The following STARD3 variants were observed in gnomAD, a reference collection of about 807,000 sequenced individuals.
STARD3 encodes the protein StAR related lipid transfer domain containing 3.
In STARD3, 39 loss-of-function variants were observed where a neutral mutation model predicts 62.0. That is an observed-to-expected ratio of 0.63 (90% confidence interval 0.49 to 0.82). The LOEUF is 0.82. STARD3 is among the 40% of genes least tolerant of loss of function. The pLI is 0.00. For missense variants in STARD3, 543 were observed against 584.5 expected, an observed-to-expected ratio of 0.93 and a Z score of 0.73; for synonymous variants, 229 against 242.4, an observed-to-expected ratio of 0.94 and a Z score of 0.51.
At chr17:39,640,874 T>G (rs1327087616) in intron 1 of STARD3, among the ~76,000 whole-genome samples, 1 of 151,752 alleles carries the variant, frequency 6.6e-6, no homozygotes, top group Non-Finnish European at 1.5e-5. Context: ...ACTCTTCCCC[T>G]TCCGCTTCCT....
rs750604843 is a variant in STARD3, at chr17:39,660,168, C to G, written c.796-43C>G. The G allele has an allele frequency of 3.7e-6, 6 of 1,609,288 alleles. No individual in the cohort carries two copies. The Admixed American group carries it at 6.7e-5, about 18-fold the overall frequency. On this transcript the variant is annotated intron_variant, in intron 9 of 14. Transcript: ENST00000336308. The surrounding 1 kb of genome is among the most constrained non-coding windows in gnomAD (Gnocchi z 4.8). The stretch of plus-strand genomic sequence containing the variant: ...CATTTCTGTGCCACCAGCCCACCCC[C>G]TGCCTCCACTCTCCTCCCTGCCACC...
chr17:39,659,983 C>T, intron 9 of STARD3: 1 of 587,090 alleles, frequency 1.7e-6, no homozygotes, highest in South Asian at 2.1e-5. Flanking sequence ...GTGGTTGCAG[C>T]TGCAGCTGTC....
intron 2 of STARD3, among the ~76,000 whole-genome samples, chr17:39,656,283 G>A (rs1567858981): frequency 1.3e-5 from 2 of 152,116 alleles, no homozygotes; most frequent in African/African-American, 2.4e-5. Context: ...CCTTCTCCAG[G>A]GTGGCTGGTG....
chr17:39,656,921 C>T (rs1250050081), intron 2 of STARD3, 87 bp from the exon 3 acceptor site: 2 of 1,356,170 alleles, frequency 1.5e-6, no homozygotes, highest in South Asian at 2.3e-5. Context: ...TTCCTCCATC[C>T]CCTACCTCTT....
At chr17:39,652,602 G>A (rs534218311) in intron 1 of STARD3, 1 of 152,408 alleles carries the variant, frequency 6.6e-6, no homozygotes, top group Admixed American at 6.5e-5. Flanking sequence ...GGGAGAGCCA[G>A]ATCGAAGGTC....
At chr17:39,638,075 A>G (rs1384278662) in intron 1 of STARD3, among the ~76,000 whole-genome samples, 1 of 151,836 alleles carries the variant, frequency 6.6e-6, no homozygotes, top group Admixed American at 6.6e-5. Flanking sequence ...CTCTACCCCA[A>G]CCCAGCCGGA....
At chr17:39,638,145 C>A (rs560707393) in intron 1 of STARD3, among the ~76,000 whole-genome samples, 37 of 152,318 alleles carry the variant, frequency 2.4e-4, no homozygotes, top group Admixed American at 9.1e-4. Context: ...TAAAAGTGAC[C>A]TAGTACTGCC....
chr17:39,644,729 A>G (rs1161494533), intron 1 of STARD3, among the ~76,000 whole-genome samples: 1 of 151,674 alleles, frequency 6.6e-6, no homozygotes, highest in Admixed American at 6.6e-5. Flanking sequence ...GCATGGTGGC[A>G]TCTGCCTGTA....
intron 3 of STARD3, among the ~76,000 whole-genome samples, chr17:39,657,498 G>T (rs1038655705): frequency 6.6e-6 from 1 of 151,362 alleles, no homozygotes; most frequent in Non-Finnish European, 1.5e-5. Context: ...CCGCACTCCA[G>T]CCTGGGCGAC....
intron 2 of STARD3, among the ~76,000 whole-genome samples, chr17:39,656,330 A>C (rs1311742527): frequency 2.0e-5 from 3 of 152,076 alleles, no homozygotes; most frequent in African/African-American, 7.2e-5. Context: ...CACCCCCGTC[A>C]TTCCAAGGAG....
At chr17:39,658,078 T>A in intron 5 of STARD3, 52 bp downstream of exon 5, 1 of 1,533,928 alleles carries the variant, frequency 6.5e-7, no homozygotes, top group Non-Finnish European at 8.8e-7. Flanking sequence ...CTGAGTGGTA[T>A]GCTTCTAGAG....
chr17:39,642,797 G>A (rs1209478102), intron 1 of STARD3, among the ~76,000 whole-genome samples: 3 of 152,142 alleles, frequency 2.0e-5, no homozygotes, highest in East Asian at 1.9e-4. Context: ...GACCTCATTG[G>A]AATGAGAGAG....
intron 1 of STARD3, among the ~76,000 whole-genome samples, chr17:39,645,881 CTTTTT>C (rs71147368): frequency 5.8e-4 from 32 of 55,634 alleles, no homozygotes; most frequent in Non-Finnish European, 8.6e-4. Flanking sequence ...GGATTCTTGC[CTTTTT>C]TTTTTTTTTT....
Position 39,660,673 on chromosome 17 carries a change from G to A in STARD3, c.955-137G>A. ...GCCTGCTCGGGAGGGTCGGGAGGAG[G>A]GCAGGAGGAGTGCTCATCAGGCGCT... On this transcript the variant is annotated intron_variant, in intron 11 of 14. Transcript: ENST00000336308. The surrounding 1 kb of genome is among the most constrained non-coding windows in gnomAD (Gnocchi z 4.8). The A allele has an allele frequency of 7.5e-7, 1 of 1,341,594 alleles. No homozygotes were observed. The highest frequency in any genetic ancestry group is 1.0e-6 in the Non-Finnish European group (1 of 955,090). 83.1% of individuals were successfully genotyped at this position (1,341,594 alleles called of 1,614,324 possible).
At chr17:39,657,371 C>CA (rs2057141307) in intron 3 of STARD3, among the ~76,000 whole-genome samples, 1 of 151,930 alleles carries the variant, frequency 6.6e-6, no homozygotes, top group Admixed American at 6.6e-5. Context: ...ACTAAAAATA[C>CA]AAAAAATTAG....
At position 39,650,080 on chromosome 17, in the gene STARD3, A is replaced by G. The variant is rs558326716; in HGVS notation, c.-51-3401A>G. ...AAGATAGGTTACTGTTAGGGGTTGA[A>G]TCGTGTCCCCCGCAAAAAGGATACG... is the stretch of plus-strand genomic sequence containing the variant. On this transcript the variant is annotated intron_variant, in intron 1 of 14. Coordinates refer to ENST00000336308, the MANE Select transcript of STARD3 (RefSeq NM_006804.4). Among the ~76,000 whole-genome samples the G allele has an allele frequency of 3.3e-5, 5 of 152,236 alleles. No individual in the cohort carries two copies. The South Asian group carries it at 1.0e-3, about 32-fold the overall frequency.
chr17:39,659,688 C>A, intron 9 of STARD3, 135 bp downstream of exon 9: 1 of 941,530 alleles, frequency 1.1e-6, no homozygotes, highest in Non-Finnish European at 1.6e-6. Flanking sequence ...GAGCTGGGCC[C>A]TCGGGTCGGC....
At position 39,659,058 on chromosome 17, in the gene STARD3, CAATG is replaced by C; in HGVS notation, c.658_661del (p.Glu220GlnfsTer65). 1.2e-6 allele frequency: 2 copies of C among 1,614,202 alleles called. No homozygotes were observed. Among genetic ancestry groups the C allele is most frequent in the Non-Finnish European group, 1.7e-6 (2 of 1,180,030 alleles). ...TGTGCCTGTTTTCTGCAGGGTCTGA[CAATG>C]AATCAGATGAAGAAGTTGCTGGGAA... On this transcript the variant is annotated frameshift_variant, in exon 8 of 15. Transcript: ENST00000336308. LOFTEE classifies it high-confidence loss of function.
intron 8 of STARD3, 45 bp from the exon 9 acceptor site, chr17:39,659,416 T>C: frequency 6.3e-7 from 1 of 1,575,876 alleles, no homozygotes; most frequent in Non-Finnish European, 8.7e-7. Flanking sequence ...CATGGTGGAC[T>C]GCAGGCCCCA....
Sources: allele counts gnomAD v4.1 joint callset (sites outside exome capture counted in the v4.1 genomes callset), GRCh38; gene constraint gnomAD v4.1.1; non-coding constraint Gnocchi (gnomAD v3.1); transcripts MANE v1.5; gene names NCBI Gene and HGNC (gene_info 2026-07-23, HGNC 2026-07-21).